TRHDE: variants seen among roughly 807,000 people sequenced by gnomAD.
TRHDE encodes thyrotropin releasing hormone degrading enzyme.
TRHDE carries 72 observed loss-of-function variants against 125.7 expected under a neutral mutation model. That is an observed-to-expected ratio of 0.57 (90% confidence interval 0.47 to 0.70). The LOEUF is 0.70. Ranked by LOEUF, TRHDE falls within the 30% of genes least tolerant of loss-of-function variation. The probability of loss-of-function intolerance (pLI) is 0.00; values close to 1 mark genes in which losing one functional copy is unlikely to be tolerated. For synonymous variants in TRHDE, 509 were observed against 509.1 expected, an observed-to-expected ratio of 1.00 and a Z score of 0.00; for missense variants, 1,110 against 1,327.1, an observed-to-expected ratio of 0.84 and a Z score of 2.54.
chr12:72,336,453 G>A (rs1869834219), intron 2 of TRHDE, among the ~76,000 whole-genome samples: 1 of 152,112 alleles, frequency 6.6e-6, no homozygotes, highest in South Asian at 2.1e-4. Flanking sequence ...TTCAGGATGG[G>A]TTAGCTGCCT....
chr12:72,336,024 A>G (rs1869817131), intron 2 of TRHDE, among the ~76,000 whole-genome samples: 1 of 152,224 alleles, frequency 6.6e-6, no homozygotes, highest in South Asian at 2.1e-4. Context: ...GTAGTTAGGA[A>G]TGGAAGTACA....
Position 72,559,522 on chromosome 12 carries a change from T to C in TRHDE, c.1789-2643T>C, listed in dbSNP as rs367818358. On this transcript the variant is annotated intron_variant, in intron 7 of 18. Transcript: ENST00000261180. ...AGAGTTTTAACTTTTAATCAGTCTA[T>C]ATTATTTGGTATGTCTCTTAAGAAT... 5.3e-5 allele frequency among the ~76,000 whole-genome samples: 8 copies of C among 152,316 alleles called. No individual in the cohort carries two copies. The South Asian group carries it at 6.2e-4, about 12-fold the overall frequency.
chr12:72,438,863 G>T (rs1437242719), intron 3 of TRHDE, among the ~76,000 whole-genome samples: 1 of 151,864 alleles, frequency 6.6e-6, no homozygotes, highest in Non-Finnish European at 1.5e-5. Context: ...AGACCAAGGT[G>T]TTGGAGCATT....
In TRHDE at chr12:72,272,719, AAGGAGGAGG is replaced by A. The variant is rs35448406; in HGVS notation, c.92_100del (p.Glu31_Glu33del). On this transcript the variant is annotated inframe_deletion, in exon 1 of 19. Coordinates refer to ENST00000261180, the MANE Select transcript of TRHDE (RefSeq NM_013381.3). This position sits in a 1 kb window ranked among gnomAD's most constrained non-coding sequence, Gnocchi z 6.7. ...GAAGAAAAAGAAGAGGAAGAAGAAG[AAGGAGGAGG>A]AGGAGGAGGAGGAGGGGGCCGAGAA... The A allele has an allele frequency of 1.7e-5, 17 of 1,000,748 alleles. No homozygotes were observed. Among genetic ancestry groups the A allele is most frequent in the South Asian group, 2.1e-5 (1 of 47,902 alleles). The allele number at this position is 1,000,748 out of a possible 1,614,324, so 62.0% of individuals were successfully genotyped here.
At chr12:72,260,050 C>G (rs1190731845) in intron 2 of TRHDE, among the ~76,000 whole-genome samples, 1 of 152,152 alleles carries the variant, frequency 6.6e-6, no homozygotes, top group Non-Finnish European at 1.5e-5. Context: ...CACATACTTT[C>G]TATGCACATC....
At chr12:72,245,094 C>G (rs1878550699) in intron 2 of TRHDE, among the ~76,000 whole-genome samples, 2 of 151,978 alleles carry the variant, frequency 1.3e-5, no homozygotes, top group Admixed American at 1.3e-4. Flanking sequence ...TCCAGCTTAT[C>G]CTATTCAATA....
intron 2 of TRHDE, among the ~76,000 whole-genome samples, chr12:72,365,357 G>T (rs1447107890): frequency 6.6e-6 from 1 of 152,072 alleles, no homozygotes; most frequent in African/African-American, 2.4e-5. Context: ...AACTGTAAGT[G>T]TGTTAAGTGC....
chr12:72,272,594 C>T lies in TRHDE; in HGVS notation c.-50C>T. The T allele has an allele frequency of 1.3e-6, 1 of 773,376 alleles. No individual in the cohort carries two copies. Among genetic ancestry groups the T allele is most frequent in the Non-Finnish European group, 2.0e-6 (1 of 507,620 alleles). The allele number at this position is 773,376 out of a possible 1,614,324, so 47.9% of individuals were successfully genotyped here. A position where few individuals can be genotyped will look rare whatever the true frequency, so the allele number is the denominator to read the frequency against. On this transcript the variant is annotated 5_prime_UTR_variant, in exon 1 of 19. Transcript: ENST00000261180. This position sits in a 1 kb window ranked among gnomAD's most constrained non-coding sequence, Gnocchi z 6.7. ...TGCTCTGGCTGTGGCCCGGGTGGCCCGCCCGCGGGGGGTGCCAGAGGGGGC... is the reference window on the plus strand; with the variant it reads ...TGCTCTGGCTGTGGCCCGGGTGGCCTGCCCGCGGGGGGTGCCAGAGGGGGC...
chr12:72,371,442 C>G, intron 2 of TRHDE, among the ~76,000 whole-genome samples: 1 of 150,638 alleles, frequency 6.6e-6, no homozygotes, highest in Non-Finnish European at 1.5e-5. Flanking sequence ...GCACAATGTG[C>G]AGGTTAGTTA....
At chr12:72,396,219 C>T (rs1053841553) in intron 3 of TRHDE, among the ~76,000 whole-genome samples, 6 of 152,164 alleles carry the variant, frequency 3.9e-5, no homozygotes, top group African/African-American at 1.4e-4. Flanking sequence ...GAAACATTTC[C>T]TGATCTTGAT....
rs1875191956 is a variant in TRHDE, at chr12:72,669,237, C to T, written c.*6042C>T. On this transcript the variant is annotated 3_prime_UTR_variant, in exon 19 of 19. Coordinates refer to ENST00000261180, the MANE Select transcript of TRHDE (RefSeq NM_013381.3). ...TTGCATGTGGAGGAGACATATTAGTCTAGCCAGAACTTTCCTTTTGCTTAG... is the reference window on the plus strand; with the variant it reads ...TTGCATGTGGAGGAGACATATTAGTTTAGCCAGAACTTTCCTTTTGCTTAG... 2.6e-5 allele frequency: 4 copies of T among 151,808 alleles called. No homozygotes were observed. The South Asian group carries it at 8.3e-4, about 31-fold the overall frequency. 9.4% of individuals were successfully genotyped at this position (151,808 alleles called of 1,614,324 possible).
intron 15 of TRHDE, among the ~76,000 whole-genome samples, chr12:72,628,691 T>C (rs1019113601): frequency 6.6e-6 from 1 of 151,852 alleles, no homozygotes; most frequent in African/African-American, 2.4e-5. Context: ...ATATATGAAA[T>C]GTAGTGAGTG....
At chr12:72,474,623 T>C (rs889470329) in intron 5 of TRHDE, among the ~76,000 whole-genome samples, 2 of 152,170 alleles carry the variant, frequency 1.3e-5, no homozygotes, top group African/African-American at 4.8e-5. Context: ...AGAATAGTAT[T>C]CTCTTGCGTG....
chr12:72,210,717 G>T (rs1206457737), intron 2 of TRHDE, among the ~76,000 whole-genome samples: 1 of 152,080 alleles, frequency 6.6e-6, no homozygotes, highest in East Asian at 1.9e-4. Flanking sequence ...GGAATTATTT[G>T]CATAACTTTG....
intron 3 of TRHDE, among the ~76,000 whole-genome samples, chr12:72,378,874 C>T (rs1385970220): frequency 6.6e-6 from 1 of 152,072 alleles, no homozygotes; most frequent in Non-Finnish European, 1.5e-5. Context: ...GCTGCTTTTG[C>T]CAGGGAGTCA....
intron 2 of TRHDE, among the ~76,000 whole-genome samples, chr12:72,339,775 G>A (rs187753182): frequency 6.6e-6 from 1 of 152,260 alleles, no homozygotes; most frequent in East Asian, 1.9e-4. Context: ...ATACTCTGGT[G>A]CTCACCTATC....
intron 12 of TRHDE, among the ~76,000 whole-genome samples, chr12:72,590,622 TG>T (rs1425137148): frequency 6.6e-6 from 1 of 152,174 alleles, no homozygotes; most frequent in Non-Finnish European, 1.5e-5. Flanking sequence ...TTATTTTATC[TG>T]CTATTAATAT....
upstream of TRHDE, chr12:72,272,296 A>T: frequency 2.8e-6 from 1 of 359,040 alleles, no homozygotes; most frequent in Non-Finnish European, 5.5e-6. The surrounding 1 kb of genome is among the most constrained non-coding windows in gnomAD (Gnocchi z 6.7). Flanking sequence ...AGCGCGGCGC[A>T]GGGGAGGGAG....
intron 3 of TRHDE, among the ~76,000 whole-genome samples, chr12:72,403,724 A>G (rs1002265738): frequency 6.6e-6 from 1 of 152,210 alleles, no homozygotes; most frequent in Non-Finnish European, 1.5e-5. Context: ...AAGGTTAAAT[A>G]AGATTCTGGA....
Sources: gnomAD v4.1 joint callset for allele counts (sites outside exome capture counted in the v4.1 genomes callset) on GRCh38, gnomAD v4.1.1 for gene constraint, Gnocchi (gnomAD v3.1) non-coding constraint, MANE v1.5 for transcripts, NCBI Gene and HGNC (gene_info 2026-07-23, HGNC 2026-07-21) for gene names.